FUT9: variants seen among roughly 807,000 people sequenced by gnomAD.
FUT9 encodes the protein 4-galactosyl-N-acetylglucosaminide 3-alpha-L-fucosyltransferase 9.
Under a neutral mutation model 29.7 loss-of-function variants are expected in FUT9, and 15 were observed. The ratio of observed to expected loss-of-function variants is 0.51; its 90% confidence interval spans 0.34 to 0.78. The LOEUF (loss-of-function observed/expected upper bound fraction) is 0.78, where lower values mean the gene tolerates loss of function less well. Among genes scored for constraint, FUT9 ranks in the 30% least tolerant of loss-of-function variants. FUT9 has a pLI of 0.01. For missense variants in FUT9, 319 were observed against 425.4 expected (o/e 0.75, Z 2.20); for synonymous variants, 169 against 153.7 (o/e 1.10, Z -0.74).
chr6:96,082,644 C>T (rs1236762976), intron 1 of FUT9, among the ~76,000 whole-genome samples: 2 of 151,836 alleles, frequency 1.3e-5, no homozygotes, highest in Non-Finnish European at 2.9e-5. Context: ...AGTGTTGTCC[C>T]TTTATTCTTC....
chr6:96,077,511 A>G (rs1471939036), intron 1 of FUT9, among the ~76,000 whole-genome samples: 1 of 152,078 alleles, frequency 6.6e-6, no homozygotes, highest in Non-Finnish European at 1.5e-5. Context: ...TTATCTGGTA[A>G]TCTATCGGCT....
intron 2 of FUT9, among the ~76,000 whole-genome samples, chr6:96,154,107 T>C (rs1772731290): frequency 6.6e-6 from 1 of 152,228 alleles, no homozygotes; most frequent in Admixed American, 6.5e-5. Context: ...AACATTTGCT[T>C]CCTCATAATG....
In FUT9 at chr6:96,190,163, T is replaced by C. The variant is rs145286473; in HGVS notation, c.-8-12985T>C. ...AAGGATTTTATTTCTCCTTCACTTA[T>C]GAAGCTTAGTTTGGCTGGACATGAA... On this transcript the variant is annotated intron_variant, in intron 2 of 2. Transcript: ENST00000302103. Among the ~76,000 whole-genome samples, 1,434 of 152,282 alleles carry C rather than the reference T, an allele frequency of 9.4e-3. 24 individuals are homozygous for C. The highest frequency in any genetic ancestry group is 0.033 in the African/African-American group (1,376 of 41,566).
chr6:96,115,356 C>T (rs1370163165), intron 2 of FUT9, among the ~76,000 whole-genome samples: 1 of 152,088 alleles, frequency 6.6e-6, no homozygotes, highest in Non-Finnish European at 1.5e-5. Context: ...TTTTTTCTCA[C>T]TAAGTCCTTG....
At chr6:96,121,811 T>A (rs1237013507) in intron 2 of FUT9, among the ~76,000 whole-genome samples, 1 of 150,254 alleles carries the variant, frequency 6.7e-6, no homozygotes, top group Non-Finnish European at 1.5e-5. Flanking sequence ...AATATAATGA[T>A]TCATCCACTT....
At chr6:96,018,897 A>T (rs967202965) in intron 1 of FUT9, among the ~76,000 whole-genome samples, 7 of 151,924 alleles carry the variant, frequency 4.6e-5, no homozygotes, top group African/African-American at 1.7e-4. Flanking sequence ...ACTAAATATG[A>T]GTTCTATTAT....
chr6:96,041,340 C>T (rs777004930), intron 1 of FUT9, among the ~76,000 whole-genome samples: 4 of 152,018 alleles, frequency 2.6e-5, no homozygotes, highest in Non-Finnish European at 5.9e-5. Context: ...CCCTACTGTG[C>T]TTGGTAGAAT....
intron 2 of FUT9, among the ~76,000 whole-genome samples, chr6:96,124,640 T>A (rs757546006): frequency 1.3e-5 from 2 of 152,144 alleles, no homozygotes; most frequent in Admixed American, 6.5e-5. Context: ...GTTCTAAATT[T>A]TTTTCTGACT....
chr6:96,034,427 G>GA (rs1770317627), intron 1 of FUT9, among the ~76,000 whole-genome samples: 2 of 151,360 alleles, frequency 1.3e-5, no homozygotes, highest in South Asian at 4.2e-4. Flanking sequence ...AAAAAAAGCA[G>GA]AAAAAATAAA....
chr6:96,198,333 G>A (rs890736924), intron 2 of FUT9, among the ~76,000 whole-genome samples: 9 of 135,370 alleles, frequency 6.6e-5, no homozygotes, highest in African/African-American at 2.5e-4. Context: ...TGTTCTCATT[G>A]TTCAATTCCC....
At chr6:96,026,219 C>T (rs1029548492) in intron 1 of FUT9, among the ~76,000 whole-genome samples, 13 of 151,688 alleles carry the variant, frequency 8.6e-5, no homozygotes, top group African/African-American at 3.1e-4. Context: ...CAATAAGTGA[C>T]TGTTTGGATA....
rs1773854955 is a variant in FUT9 at position 96,207,499 on chromosome 6, G to A, written c.*3264G>A. On this transcript the variant is annotated 3_prime_UTR_variant, in exon 3 of 3. Transcript: ENST00000302103. The stretch of plus-strand genomic sequence containing the variant: ...CATTCGTTCTGGTTTAAATATTTTA[G>A]GAGTTGAGTTCAGCAGAAGGAAATG... 6.0e-6 allele frequency: 1 copy of A among 166,954 alleles called. No individual in the cohort carries two copies. 10.3% of individuals were successfully genotyped at this position (166,954 alleles called of 1,614,324 possible). A position where few individuals can be genotyped will look rare whatever the true frequency, so the allele number is the denominator to read the frequency against.
intron 1 of FUT9, among the ~76,000 whole-genome samples, chr6:96,064,388 A>G (rs1293121318): frequency 2.0e-5 from 3 of 152,108 alleles, no homozygotes; most frequent in Non-Finnish European, 4.4e-5. Flanking sequence ...TTCTTTGAGC[A>G]TTCATCACCC....
At position 96,124,259 on chromosome 6, in the gene FUT9, C is replaced by T. The variant is rs570327015; in HGVS notation, c.-9+10132C>T. 3.4e-4 allele frequency among the ~76,000 whole-genome samples: 51 copies of T among 150,370 alleles called. 1 individual carries two copies. The highest frequency in any genetic ancestry group is 1.2e-3 in the African/African-American group (49 of 40,868). ...CTCCGCCTCCCGGGTTCACACCATTCTCCTGCCTCAGTCTCCTGAGTAGCT... is the reference window on the plus strand; with the variant it reads ...CTCCGCCTCCCGGGTTCACACCATTTTCCTGCCTCAGTCTCCTGAGTAGCT... On this transcript the variant is annotated intron_variant, in intron 2 of 2. Coordinates refer to ENST00000302103, the MANE Select transcript of FUT9 (RefSeq NM_006581.4).
At chr6:96,202,509 A>T (rs1773743770) in intron 2 of FUT9, among the ~76,000 whole-genome samples, 1 of 152,156 alleles carries the variant, frequency 6.6e-6, no homozygotes, top group African/African-American at 2.4e-5. Flanking sequence ...AAATAAAAAC[A>T]AAACACTGTG....
At chr6:96,145,252 G>T (rs1480365808) in intron 2 of FUT9, among the ~76,000 whole-genome samples, 1 of 152,030 alleles carries the variant, frequency 6.6e-6, no homozygotes, top group Non-Finnish European at 1.5e-5. Context: ...TAGAAACGGG[G>T]TTTCACCGTG....
chr6:96,159,323 T>C (rs947163703), intron 2 of FUT9, among the ~76,000 whole-genome samples: 1 of 152,104 alleles, frequency 6.6e-6, no homozygotes, highest in African/African-American at 2.4e-5. Flanking sequence ...GAATTGATGT[T>C]GATCCCTCTG....
chr6:96,095,628 A>AT (rs1330237888), intron 1 of FUT9, among the ~76,000 whole-genome samples: 2 of 151,974 alleles, frequency 1.3e-5, no homozygotes, highest in African/African-American at 2.4e-5. Context: ...ATCACTGGCA[A>AT]TTTTTTTTAT....
chr6:96,104,019 G>A (rs1285114699), intron 1 of FUT9, among the ~76,000 whole-genome samples: 1 of 152,164 alleles, frequency 6.6e-6, no homozygotes, highest in African/African-American at 2.4e-5. Flanking sequence ...TCAGCTAAGT[G>A]TTTAGAAGGA....
Sources: gnomAD v4.1 joint callset for allele counts (sites outside exome capture counted in the v4.1 genomes callset) on GRCh38, gnomAD v4.1.1 for gene constraint, MANE v1.5 for transcripts, NCBI Gene and HGNC (gene_info 2026-07-23, HGNC 2026-07-21) for gene names.